Variants in FCHSD2 observed in about 807,000 individuals in gnomAD.
FCHSD2 encodes F-BAR and double SH3 domains protein 2.
FCHSD2 carries 38 observed loss-of-function variants against 108.1 expected under a neutral mutation model. That is an observed-to-expected ratio of 0.35 (90% CI 0.27 to 0.46). The LOEUF (loss-of-function observed/expected upper bound fraction) is 0.46, where lower values mean the gene tolerates loss of function less well. Among genes scored for constraint, FCHSD2 ranks in the 20% least tolerant of loss-of-function variants. The pLI, the probability that FCHSD2 is intolerant of heterozygous loss-of-function variation, is 1.00. For missense variants in FCHSD2, 751 were observed against 897.8 expected (o/e 0.84, Z 2.09); for synonymous variants, 279 against 314.7 (o/e 0.89, Z 1.20).
intron 8 of FCHSD2, among the ~76,000 whole-genome samples, chr11:72,977,002 T>C (rs1379843982): frequency 2.6e-5 from 4 of 151,708 alleles, no homozygotes; most frequent in African/African-American, 9.7e-5. Flanking sequence ...CTCGGCACAC[T>C]GTGACCTCCA....
intron 3 of FCHSD2, among the ~76,000 whole-genome samples, chr11:73,033,667 A>C (rs543621015): frequency 6.6e-6 from 1 of 152,352 alleles, no homozygotes; most frequent in East Asian, 1.9e-4. Context: ...CAAACTATGG[A>C]ATTCTATACA....
At chr11:73,105,040 T>A (rs1178729293) in intron 2 of FCHSD2, among the ~76,000 whole-genome samples, 2 of 152,246 alleles carry the variant, frequency 1.3e-5, no homozygotes, top group Non-Finnish European at 2.9e-5. Flanking sequence ...TTCAAGTTTT[T>A]CAAAGTCCTT....
At chr11:73,042,269 G>C (rs947258692) in intron 3 of FCHSD2, among the ~76,000 whole-genome samples, 1 of 152,092 alleles carries the variant, frequency 6.6e-6, no homozygotes, top group Admixed American at 6.6e-5. Context: ...TCATTCTTCC[G>C]CATATGGATA....
At chr11:73,022,384 A>G (rs1482667067) in intron 3 of FCHSD2, among the ~76,000 whole-genome samples, 4 of 152,162 alleles carry the variant, frequency 2.6e-5, no homozygotes, top group Non-Finnish European at 5.9e-5. Context: ...CTACCAAAAA[A>G]CCTCATGGAA....
intron 9 of FCHSD2, among the ~76,000 whole-genome samples, chr11:72,917,875 G>A (rs1382726036): frequency 3.3e-5 from 5 of 151,216 alleles, no homozygotes; most frequent in Non-Finnish European, 7.4e-5. Context: ...GTGACAGAGT[G>A]AGACCTTGTC....
intron 8 of FCHSD2, among the ~76,000 whole-genome samples, chr11:72,927,430 C>T (rs750478626): frequency 6.6e-6 from 1 of 152,138 alleles, no homozygotes; most frequent in Non-Finnish European, 1.5e-5. Context: ...TCAATTGCAA[C>T]AAATGTGCCA....
At chr11:72,950,990 C>T (rs2135356840) in intron 8 of FCHSD2, among the ~76,000 whole-genome samples, 1 of 152,304 alleles carries the variant, frequency 6.6e-6, no homozygotes, top group Non-Finnish European at 1.5e-5. Flanking sequence ...TGTGTCTTCT[C>T]CATGCTCTCT....
chr11:72,911,624 A>G (rs1411205665), intron 9 of FCHSD2, among the ~76,000 whole-genome samples: 1 of 152,182 alleles, frequency 6.6e-6, no homozygotes, highest in Non-Finnish European at 1.5e-5. Flanking sequence ...TCAACATGGA[A>G]TATCTTTCCA....
intron 2 of FCHSD2, among the ~76,000 whole-genome samples, chr11:73,121,968 G>C (rs1028109545): frequency 6.6e-6 from 1 of 152,128 alleles, no homozygotes; most frequent in African/African-American, 2.4e-5. Flanking sequence ...AACCTGAAAA[G>C]TACTTAGGAT....
At chr11:73,096,847 A>G (rs759398654) in intron 2 of FCHSD2, among the ~76,000 whole-genome samples, 4 of 151,558 alleles carry the variant, frequency 2.6e-5, no homozygotes, top group Non-Finnish European at 5.9e-5. Flanking sequence ...AAAAAAAGGA[A>G]ATTTCCTTCC....
chr11:72,849,362 A>G (rs757991632), intron 14 of FCHSD2, among the ~76,000 whole-genome samples: 3 of 152,248 alleles, frequency 2.0e-5, no homozygotes, highest in Non-Finnish European at 4.4e-5. Flanking sequence ...TGGAGCATCA[A>G]AGAAATATGA....
At chr11:72,925,909 C>T (rs774056710) in intron 8 of FCHSD2, among the ~76,000 whole-genome samples, 14 of 152,182 alleles carry the variant, frequency 9.2e-5, no homozygotes, top group Non-Finnish European at 1.8e-4. Flanking sequence ...CAGGCAGGAG[C>T]CCCACCCTCC....
chr11:72,869,736 G>A (rs1488794959), intron 12 of FCHSD2: 4 of 152,098 alleles, frequency 2.6e-5, no homozygotes, highest in African/African-American at 9.7e-5. Flanking sequence ...GATAAAGTCT[G>A]TTTCCTTTTC....
At chr11:72,969,023 A>G (rs1430399404) in intron 8 of FCHSD2, among the ~76,000 whole-genome samples, 3 of 152,248 alleles carry the variant, frequency 2.0e-5, no homozygotes, top group African/African-American at 4.8e-5. Flanking sequence ...ACATATATAC[A>G]TATGCTACTA....
intron 9 of FCHSD2, among the ~76,000 whole-genome samples, chr11:72,916,125 C>T (rs1027032643): frequency 3.3e-5 from 5 of 151,756 alleles, no homozygotes; most frequent in African/African-American, 7.2e-5. Context: ...AGGCTTAATA[C>T]GTGGGTGATA....
In FCHSD2 at chr11:72,902,564, G is replaced by A. The variant is rs1347458895; in HGVS notation, c.903C>T (p.Phe301=). Residue 301 remains phenylalanine (F), a synonymous_variant, in exon 10 of 20, where the codon TTC becomes TTT. Coordinates refer to ENST00000409418, the MANE Select transcript of FCHSD2 (RefSeq NM_014824.3). ...AVFHKPQPFQ[F]QPCDSDTSRQ... The stretch of plus-strand genomic sequence containing the variant: ...TTACAGTATCACTGTCACAAGGCTG[G>A]AACTGGAAGGGCTGGGGTTTGTGAA... 1 of 1,585,206 alleles carries A rather than the reference G, an allele frequency of 6.3e-7. No homozygotes were observed. Among genetic ancestry groups the A allele is most frequent in the Non-Finnish European group, 8.6e-7 (1 of 1,164,486 alleles).
chr11:73,123,452 T>C (rs542194969), intron 2 of FCHSD2, among the ~76,000 whole-genome samples: 44 of 152,330 alleles, frequency 2.9e-4, no homozygotes, highest in Middle Eastern at 3.4e-3. Context: ...GCTTTTTATA[T>C]ATGCGCAGGC....
intron 8 of FCHSD2, among the ~76,000 whole-genome samples, chr11:72,936,300 T>C (rs1856299686): frequency 6.6e-6 from 1 of 152,254 alleles, no homozygotes; most frequent in Non-Finnish European, 1.5e-5. Flanking sequence ...GACTCTATTA[T>C]GTACTTGAGC....
intron 8 of FCHSD2, among the ~76,000 whole-genome samples, chr11:72,958,993 A>G (rs760715667): frequency 0.011 from 1,276 of 114,872 alleles, 7 homozygotes; most frequent in Middle Eastern, 0.058. Context: ...TCAGTAAGAT[A>G]TGTGTGTGTG....
Sources: allele counts gnomAD v4.1 joint callset (sites outside exome capture counted in the v4.1 genomes callset), GRCh38; gene constraint gnomAD v4.1.1; transcripts MANE v1.5; gene names NCBI Gene and HGNC (gene_info 2026-07-23, HGNC 2026-07-21).